Variants in SH3D19 observed in about 807,000 individuals in gnomAD.
SH3D19 encodes SH3 domain containing 19.
SH3D19 carries 58 observed loss-of-function variants against 112.1 expected under a neutral mutation model. The ratio of observed to expected loss-of-function variants is 0.52; its 90% CI spans 0.42 to 0.64. SH3D19 has a LOEUF of 0.64. Ranked by LOEUF, SH3D19 falls within the 30% of genes least tolerant of loss-of-function variation. The pLI is 0.00. For missense variants in SH3D19, 1,090 were observed against 1,263.4 expected, an observed-to-expected ratio of 0.86 and a Z score of 2.08; for synonymous variants, 391 against 448.5, an observed-to-expected ratio of 0.87 and a Z score of 1.62.
intron 2 of SH3D19, among the ~76,000 whole-genome samples, chr4:151,208,770 T>C (rs750168118): frequency 6.6e-6 from 1 of 151,762 alleles, no homozygotes; most frequent in African/African-American, 2.4e-5. Context: ...CTCCGTCTCC[T>C]GGGTTCACGC....
At chr4:151,205,245 G>C (rs558922511) in intron 2 of SH3D19, among the ~76,000 whole-genome samples, 4 of 152,194 alleles carry the variant, frequency 2.6e-5, no homozygotes, top group Non-Finnish European at 4.4e-5. Context: ...TGGGAAACAC[G>C]GCGGCTTTTT....
chr4:151,294,995 TTC>T (rs1775602655), intron 1 of SH3D19, among the ~76,000 whole-genome samples: 2 of 151,850 alleles, frequency 1.3e-5, no homozygotes, highest in South Asian at 4.2e-4. Flanking sequence ...AGTACAAAGG[TTC>T]TGAGTTTAGG....
chr4:151,185,658 T>C (rs1187206226), intron 3 of SH3D19, among the ~76,000 whole-genome samples: 1 of 152,008 alleles, frequency 6.6e-6, no homozygotes, highest in Admixed American at 6.6e-5. Flanking sequence ...AGAAAAAAAA[T>C]GGAGTGGGGA....
intron 1 of SH3D19, among the ~76,000 whole-genome samples, chr4:151,271,291 T>C (rs763207031): frequency 3.9e-5 from 6 of 152,214 alleles, no homozygotes; most frequent in Non-Finnish European, 7.3e-5. Flanking sequence ...GTAGACTGAT[T>C]GATGGGTTGA....
chr4:151,277,359 T>C, intron 1 of SH3D19: 2 of 541,876 alleles, frequency 3.7e-6, no homozygotes. Context: ...CCTGAGAGGC[T>C]ACTATATACC....
intron 1 of SH3D19, among the ~76,000 whole-genome samples, chr4:151,294,996 T>A (rs531346056): frequency 6.6e-6 from 1 of 152,176 alleles, no homozygotes; most frequent in East Asian, 1.9e-4. Flanking sequence ...GTACAAAGGT[T>A]CTGAGTTTAG....
intron 9 of SH3D19, among the ~76,000 whole-genome samples, chr4:151,154,214 C>T (rs1454718152): frequency 1.3e-5 from 2 of 150,878 alleles, no homozygotes; most frequent in African/African-American, 4.9e-5. Context: ...CTCACCACAA[C>T]CTCCGCTTCC....
chr4:151,144,176 A>AT (rs34657502), intron 11 of SH3D19, 126 bp from the exon 12 acceptor site: 2,473 of 1,453,362 alleles, frequency 1.7e-3, no homozygotes, highest in Non-Finnish European at 2.0e-3. Flanking sequence ...GAGGCCAGTA[A>AT]TTTTTTTTTT....
At chr4:151,274,451 C>A (rs1485672566) in intron 1 of SH3D19, among the ~76,000 whole-genome samples, 2 of 152,158 alleles carry the variant, frequency 1.3e-5, no homozygotes, top group Non-Finnish European at 2.9e-5. Flanking sequence ...TGGCCATGAA[C>A]CTATATCCTG....
chr4:151,245,688 G>A (rs113203435), intron 1 of SH3D19, among the ~76,000 whole-genome samples: 2 of 152,136 alleles, frequency 1.3e-5, no homozygotes, highest in Non-Finnish European at 2.9e-5. Flanking sequence ...TGCAACCTCC[G>A]CCTCCCAGGT....
intron 1 of SH3D19, among the ~76,000 whole-genome samples, chr4:151,268,280 T>C (rs186799408): frequency 6.6e-6 from 1 of 152,264 alleles, no homozygotes; most frequent in East Asian, 1.9e-4. Flanking sequence ...TAAAAACTGG[T>C]ACACCTATAT....
chr4:151,164,581 A>ATT (rs529901482), intron 8 of SH3D19, among the ~76,000 whole-genome samples: 6 of 143,018 alleles, frequency 4.2e-5, no homozygotes, highest in Non-Finnish European at 7.7e-5. Context: ...CGTTACACTA[A>ATT]TTTTTTTTTT....
intron 1 of SH3D19, among the ~76,000 whole-genome samples, chr4:151,235,432 A>C (rs1174104320): frequency 6.6e-6 from 1 of 152,338 alleles, no homozygotes; most frequent in African/African-American, 2.4e-5. Context: ...AAAATCCTGC[A>C]ATTAAAAAAA....
intron 1 of SH3D19, among the ~76,000 whole-genome samples, chr4:151,266,437 GCTACCTCCATTT>G (rs1772798457): frequency 6.6e-6 from 1 of 152,194 alleles, no homozygotes; most frequent in Admixed American, 6.5e-5. Context: ...ATGGAGATTA[GCTACCTCCATTT>G]GTTCTCATTG....
chr4:151,275,150 G>A (rs1042405890), intron 1 of SH3D19, among the ~76,000 whole-genome samples: 2 of 150,720 alleles, frequency 1.3e-5, no homozygotes, highest in South Asian at 2.1e-4. Flanking sequence ...GCAGTGGCGC[G>A]ATCTCGGCTC....
chr4:151,264,451 A>AAAC (rs1772620913), intron 1 of SH3D19, among the ~76,000 whole-genome samples: 1 of 145,034 alleles, frequency 6.9e-6, no homozygotes, highest in Non-Finnish European at 1.5e-5. Flanking sequence ...AAAACCAAAC[A>AAAC]AAAAAAAAAC....
At chr4:151,291,446 G>A in intron 1 of SH3D19, 2 of 1,602,570 alleles carry the variant, frequency 1.2e-6, no homozygotes, top group Non-Finnish European at 8.5e-7. Context: ...AGTCCCAGGG[G>A]CAGATAACTC....
intron 1 of SH3D19, among the ~76,000 whole-genome samples, chr4:151,285,601 G>A (rs549619662): frequency 1.3e-5 from 2 of 152,142 alleles, no homozygotes; most frequent in African/African-American, 4.8e-5. Flanking sequence ...AAATGCCTAC[G>A]TTAAACAATA....
At chr4:151,299,789 G>A (rs1728173883) in intron 1 of SH3D19, among the ~76,000 whole-genome samples, 2 of 152,114 alleles carry the variant, frequency 1.3e-5, no homozygotes, top group African/African-American at 2.4e-5. Context: ...TCCAGAGGCT[G>A]CTGAGTTAAG....
Sources: gnomAD v4.1 joint callset for allele counts (sites outside exome capture counted in the v4.1 genomes callset) on GRCh38, gnomAD v4.1.1 for gene constraint, MANE v1.5 for transcripts, NCBI Gene and HGNC (gene_info 2026-07-23, HGNC 2026-07-21) for gene names.